Variants in NRG1 observed in about 807,000 individuals in gnomAD.
NRG1 encodes neuregulin 1, also known as pro-neuregulin-1, membrane-bound isoform.
A neutral mutation model predicts 63.8 loss-of-function variants in NRG1; 18 were observed. The observed-to-expected ratio is 0.28, with a 90% CI of 0.19 to 0.42. The LOEUF (loss-of-function observed/expected upper bound fraction) is 0.42. Among genes scored for constraint, NRG1 ranks in the 10% least tolerant of loss-of-function variants. NRG1 has a pLI of 1.00. For synonymous variants in NRG1, 302 were observed against 301.3 expected (o/e 1.00, Z -0.02); for missense variants, 762 against 814.7 (o/e 0.94, Z 0.79).
chr8:32,744,377 C>A (rs1244883671), intron 7 of NRG1, among the ~76,000 whole-genome samples: 2 of 152,058 alleles, frequency 1.3e-5, no homozygotes, highest in Non-Finnish European at 2.9e-5. Context: ...TTCCAAACAG[C>A]CTTCACTTTA....
chr8:32,407,408 A>T (rs1019686646), intron 1 of NRG1, among the ~76,000 whole-genome samples: 6 of 150,136 alleles, frequency 4.0e-5, no homozygotes, highest in Non-Finnish European at 8.9e-5. Flanking sequence ...TGTCTATTGA[A>T]TTCATTTTGA....
chr8:32,682,970 C>A (rs917888321), intron 5 of NRG1, among the ~76,000 whole-genome samples: 2 of 151,972 alleles, frequency 1.3e-5, no homozygotes, highest in Non-Finnish European at 2.9e-5. Flanking sequence ...TATATATAAC[C>A]TTTTATCTTT....
chr8:32,302,136 C>T (rs546470041), intron 1 of NRG1, among the ~76,000 whole-genome samples: 31 of 152,184 alleles, frequency 2.0e-4, no homozygotes, highest in African/African-American at 6.0e-4. Flanking sequence ...TAGACCTCCA[C>T]GTTGTACTTC....
At chr8:32,229,083 T>C (rs1035595767) in intron 1 of NRG1, among the ~76,000 whole-genome samples, 1 of 152,094 alleles carries the variant, frequency 6.6e-6, no homozygotes, top group Non-Finnish European at 1.5e-5. Context: ...TTATCTTCAA[T>C]GGGAAACGTC....
intron 1 of NRG1, among the ~76,000 whole-genome samples, chr8:31,969,555 C>G (rs1175620706): frequency 6.6e-6 from 1 of 152,146 alleles, no homozygotes; most frequent in East Asian, 1.9e-4. Context: ...CTCTTGCCTT[C>G]CTCTGCAGTG....
intron 5 of NRG1, among the ~76,000 whole-genome samples, chr8:32,710,753 A>G (rs977331480): frequency 1.4e-4 from 21 of 152,212 alleles, no homozygotes; most frequent in African/African-American, 5.1e-4. Context: ...ACTTTAGTCT[A>G]ACTACTCAAG....
intron 1 of NRG1, among the ~76,000 whole-genome samples, chr8:32,352,912 TATAG>T (rs71898281): frequency 0.3 from 41,639 of 140,688 alleles, 6,371 homozygotes; most frequent in Non-Finnish European, 0.36. Context: ...TATATATATA[TATAG>T]AGAGAGAGAG....
At chr8:32,005,344 C>A (rs147625495) in intron 1 of NRG1, among the ~76,000 whole-genome samples, 1 of 151,860 alleles carries the variant, frequency 6.6e-6, no homozygotes, top group African/African-American at 2.4e-5. Flanking sequence ...TGGAAGACAT[C>A]GTAGAAATTC....
chr8:31,837,817 C>G (rs1825825898), intron 1 of NRG1, among the ~76,000 whole-genome samples: 1 of 152,060 alleles, frequency 6.6e-6, no homozygotes, highest in Non-Finnish European at 1.5e-5. Context: ...AGGATTTTAT[C>G]CTTTTTGTGG....
At chr8:31,790,064 T>C (rs1820552225) in intron 1 of NRG1, among the ~76,000 whole-genome samples, 1 of 152,158 alleles carries the variant, frequency 6.6e-6, no homozygotes, top group South Asian at 2.1e-4. Context: ...CCACAAGGCT[T>C]GTGTTAGGTG....
intron 1 of NRG1, among the ~76,000 whole-genome samples, chr8:32,490,319 TG>T (rs1392456337): frequency 6.7e-6 from 1 of 148,642 alleles, no homozygotes; most frequent in East Asian, 2.0e-4. Flanking sequence ...AAAAAAAAAC[TG>T]GGGGCCACAC....
At chr8:31,809,741 G>GGTTT (rs1554539613) in intron 1 of NRG1, among the ~76,000 whole-genome samples, 4 of 68,030 alleles carry the variant, frequency 5.9e-5, no homozygotes, top group South Asian at 1.1e-3. Context: ...TCTATTAATT[G>GGTTT]TTTTTTTTTT....
intron 1 of NRG1, among the ~76,000 whole-genome samples, chr8:31,869,018 G>A (rs1056926363): frequency 6.6e-6 from 1 of 152,230 alleles, no homozygotes; most frequent in African/African-American, 2.4e-5. Context: ...TTAATGTTAT[G>A]TGGTAATTGT....
intron 1 of NRG1, among the ~76,000 whole-genome samples, chr8:31,971,576 G>T (rs1174247867): frequency 6.6e-6 from 1 of 152,056 alleles, no homozygotes; most frequent in Non-Finnish European, 1.5e-5. Flanking sequence ...TCTGGAAAAT[G>T]TAAGATAATG....
At chr8:32,076,237 T>A (rs1013633921) in intron 1 of NRG1, among the ~76,000 whole-genome samples, 1 of 152,222 alleles carries the variant, frequency 6.6e-6, no homozygotes, top group African/African-American at 2.4e-5. Flanking sequence ...CTCAGGGATC[T>A]GAACTGTTAG....
At chr8:32,370,880 AAAAG>A (rs1192188694) in intron 1 of NRG1, among the ~76,000 whole-genome samples, 16 of 150,514 alleles carry the variant, frequency 1.1e-4, no homozygotes, top group African/African-American at 3.9e-4. Flanking sequence ...AAAAAAAAAA[AAAAG>A]ACAACAACAA....
At chr8:32,492,197 A>G (rs554228705) in intron 1 of NRG1, among the ~76,000 whole-genome samples, 1 of 152,286 alleles carries the variant, frequency 6.6e-6, no homozygotes, top group Non-Finnish European at 1.5e-5. Flanking sequence ...GGCCTAGCAC[A>G]ATGTTGAGCA....
At chr8:31,992,683 CA>C (rs1461269516) in intron 1 of NRG1, among the ~76,000 whole-genome samples, 2 of 152,052 alleles carry the variant, frequency 1.3e-5, no homozygotes, top group Non-Finnish European at 2.9e-5. Context: ...ACTGTTGCCA[CA>C]AAATCACCTA....
At chr8:31,784,152 C>A (rs1346607695) in intron 1 of NRG1, among the ~76,000 whole-genome samples, 1 of 152,112 alleles carries the variant, frequency 6.6e-6, no homozygotes, top group African/African-American at 2.4e-5. Flanking sequence ...TTTTGGTGAC[C>A]TTGAAACCCT....
Sources: gnomAD v4.1 joint callset for allele counts (sites outside exome capture counted in the v4.1 genomes callset) on GRCh38, gnomAD v4.1.1 for gene constraint, MANE v1.5 for transcripts, NCBI Gene and HGNC (gene_info 2026-07-23, HGNC 2026-07-21) for gene names.